The following JPH3 variants were observed in gnomAD, a reference collection of about 807,000 sequenced individuals.
JPH3 encodes junctophilin-3.
In JPH3, 11 loss-of-function variants were observed where a neutral mutation model predicts 59.6. The observed-to-expected ratio is 0.18, with a 90% CI of 0.12 to 0.31. The LOEUF (loss-of-function observed/expected upper bound fraction) is 0.31, where lower values mean the gene tolerates loss of function less well. Among genes scored for constraint, JPH3 ranks in the 10% least tolerant of loss-of-function variants. JPH3 has a pLI of 1.00. For synonymous variants in JPH3, 673 were observed against 483.6 expected (o/e 1.39, Z -5.14); for missense variants, 1,202 against 1,105.7 (o/e 1.09, Z -1.24).
At chr16:87,675,841 C>A (rs988383111) in intron 2 of JPH3, among the ~76,000 whole-genome samples, 13 of 152,256 alleles carry the variant, frequency 8.5e-5, no homozygotes, top group Admixed American at 8.5e-4. Flanking sequence ...ACCTTTCATA[C>A]ACCCACTCCC....
intron 2 of JPH3, among the ~76,000 whole-genome samples, chr16:87,657,634 G>T (rs2032549596): frequency 1.3e-5 from 2 of 152,202 alleles, no homozygotes; most frequent in African/African-American, 4.8e-5. Context: ...GTCACTCATT[G>T]TGGAGACTGC....
rs2033532639 is a variant in JPH3 at position 87,690,278 on chromosome 16, G to A, written c.1918G>A (p.Gly640Arg). ...YSKGGACRGL[G>R]DDHRPEDRGF... ...CAAGGGCGGCGCCTGCCGGGGCTTGGGGGACGACCACCGCCCCGAGGACCG... is the reference window on the plus strand; with the variant it reads ...CAAGGGCGGCGCCTGCCGGGGCTTGAGGGACGACCACCGCCCCGAGGACCG... The change falls in exon 4 of 5, where the codon GGG becomes AGG. Residue 640 changes from glycine to arginine, a missense_variant. Gly to Arg is a moderately radical substitution (Grantham distance 125, BLOSUM62 -2). Coordinates refer to ENST00000284262, the MANE Select transcript of JPH3 (RefSeq NM_020655.4). 4 of 1,601,318 alleles carry A rather than the reference G, an allele frequency of 2.5e-6. No individual in the cohort carries two copies. The highest frequency in any genetic ancestry group is 3.4e-6 in the Non-Finnish European group (4 of 1,174,430).
At chr16:87,684,540 C>T (rs569346191) in intron 3 of JPH3, 90 of 438,936 alleles carry the variant, frequency 2.1e-4, no homozygotes, top group Non-Finnish European at 3.1e-4. Context: ...CTGTCCCTGA[C>T]GGTGAATTCC....
At chr16:87,670,940 C>T (rs903056232) in intron 2 of JPH3, among the ~76,000 whole-genome samples, 2 of 152,252 alleles carry the variant, frequency 1.3e-5, no homozygotes, top group African/African-American at 2.4e-5. Flanking sequence ...GGGAATTGAT[C>T]CTGGCCCTCC....
chr16:87,691,580 G>C (rs977291554), intron 4 of JPH3, among the ~76,000 whole-genome samples: 1 of 152,146 alleles, frequency 6.6e-6, no homozygotes, highest in South Asian at 2.1e-4. Flanking sequence ...ACCTAGGGGA[G>C]CTGTGGTTTT....
At chr16:87,688,670 G>C (rs74039463) in intron 3 of JPH3, among the ~76,000 whole-genome samples, 10,701 of 152,064 alleles carry the variant, frequency 0.07, 1,181 homozygotes, top group African/African-American at 0.24. Context: ...TTCCCACAGA[G>C]CTCTGCACCA....
At chr16:87,619,421 C>T (rs1162047939) in intron 1 of JPH3, among the ~76,000 whole-genome samples, 3 of 152,232 alleles carry the variant, frequency 2.0e-5, no homozygotes, top group Admixed American at 1.3e-4. Context: ...CACCCCAGCC[C>T]ACCTGGCTGC....
At chr16:87,639,492 G>A (rs936825485) in intron 1 of JPH3, among the ~76,000 whole-genome samples, 4 of 152,094 alleles carry the variant, frequency 2.6e-5, no homozygotes, top group Non-Finnish European at 5.9e-5. Flanking sequence ...CCGTTCTGTG[G>A]CATTAAGCAC....
chr16:87,629,491 A>C (rs2031492666), intron 1 of JPH3, among the ~76,000 whole-genome samples: 1 of 152,040 alleles, frequency 6.6e-6, no homozygotes, highest in Non-Finnish European at 1.5e-5. Flanking sequence ...AGTCGGAAGC[A>C]GCGAAGATGC....
rs1597260001 is a variant in JPH3 at position 87,647,569 on chromosome 16, C to T, written c.1160+2534C>T. ...AGTCCGAGCTGACTCCGTCCCTTCG[C>T]CCGAGCGGGCGTCGCGGGGAGGGAG... is the stretch of plus-strand genomic sequence containing the variant. On this transcript the variant is annotated intron_variant, in intron 2 of 4. Coordinates refer to ENST00000284262, the MANE Select transcript of JPH3 (RefSeq NM_020655.4). Among the ~76,000 whole-genome samples, 8 of 152,324 alleles carry T rather than the reference C, an allele frequency of 5.3e-5. 1 individual carries two copies. The highest frequency in any genetic ancestry group is 1.9e-4 in the African/African-American group (8 of 41,584).
At chr16:87,646,361 C>T (rs1477610806) in intron 2 of JPH3, among the ~76,000 whole-genome samples, 12 of 152,208 alleles carry the variant, frequency 7.9e-5, no homozygotes, top group Admixed American at 3.3e-4. Flanking sequence ...CTGAAAGAAA[C>T]ATGGAATTAC....
intron 2 of JPH3, among the ~76,000 whole-genome samples, chr16:87,680,995 C>T (rs557977213): frequency 2.2e-4 from 33 of 152,256 alleles, no homozygotes; most frequent in South Asian, 6.2e-4. Flanking sequence ...GCATTGTGGT[C>T]GAGGTCTGAA....
chr16:87,679,677 A>G (rs2033236875), intron 2 of JPH3, among the ~76,000 whole-genome samples: 1 of 152,206 alleles, frequency 6.6e-6, no homozygotes, highest in Non-Finnish European at 1.5e-5. Flanking sequence ...CCGTGTGTGC[A>G]CGTGTGGGTC....
intron 1 of JPH3, among the ~76,000 whole-genome samples, chr16:87,613,081 G>A (rs1389400301): frequency 2.7e-5 from 4 of 145,716 alleles, no homozygotes; most frequent in East Asian, 2.0e-4. Flanking sequence ...CAATACCTAC[G>A]TTTCTTTCTT....
chr16:87,666,610 C>G (rs1008718448), intron 2 of JPH3, among the ~76,000 whole-genome samples: 2 of 152,148 alleles, frequency 1.3e-5, no homozygotes, highest in Non-Finnish European at 2.9e-5. Context: ...GTTGGTCAGG[C>G]TGGTCTCAAA....
chr16:87,635,150 G>A (rs114064620), intron 1 of JPH3, among the ~76,000 whole-genome samples: 1 of 152,284 alleles, frequency 6.6e-6, no homozygotes, highest in East Asian at 1.9e-4. Context: ...GTGGCCATGA[G>A]CTCAGGTCTT....
chr16:87,660,381 C>T (rs950406672), intron 2 of JPH3, among the ~76,000 whole-genome samples: 3 of 152,114 alleles, frequency 2.0e-5, no homozygotes, highest in African/African-American at 7.2e-5. Context: ...GAGTCCCAGC[C>T]CTGCTGTAGG....
intron 2 of JPH3, among the ~76,000 whole-genome samples, chr16:87,658,436 C>T (rs1316132109): frequency 6.6e-6 from 1 of 151,564 alleles, no homozygotes; most frequent in Non-Finnish European, 1.5e-5. Flanking sequence ...CTCTATCTCC[C>T]TATCTGCTTT....
intron 3 of JPH3, among the ~76,000 whole-genome samples, chr16:87,685,579 C>T (rs1442128660): frequency 1.3e-5 from 2 of 152,252 alleles, no homozygotes; most frequent in Non-Finnish European, 2.9e-5. Context: ...GGGTGCAGTG[C>T]TGCGGGATGG....
Sources: allele counts gnomAD v4.1 joint callset (sites outside exome capture counted in the v4.1 genomes callset), GRCh38; gene constraint gnomAD v4.1.1; transcripts MANE v1.5; gene names NCBI Gene and HGNC (gene_info 2026-07-23, HGNC 2026-07-21).